The following MTUS1 variants were observed in gnomAD, a reference collection of about 807,000 sequenced individuals.
MTUS1 encodes microtubule associated scaffold protein 1.
In MTUS1, 109 loss-of-function variants were observed where a neutral mutation model predicts 120.8. The ratio of observed to expected loss-of-function variants is 0.90; its 90% CI spans 0.77 to 1.06. The LOEUF is 1.06. Among genes scored for constraint, MTUS1 ranks in the 50% least tolerant of loss-of-function variants. MTUS1 has a pLI of 0.00. For synonymous variants in MTUS1, 737 were observed against 550.5 expected (o/e 1.34, Z -4.74); for missense variants, 2,210 against 1,486.3 (o/e 1.49, Z -8.01).
chr8:17,767,701 A>AAG (rs1230365120), intron 1 of MTUS1, among the ~76,000 whole-genome samples: 1 of 83,762 alleles, frequency 1.2e-5, no homozygotes, highest in African/African-American at 3.9e-5. Context: ...CCTGTCTCTT[A>AAG]AAAAAAAAAA....
chr8:17,760,054 TTC>T lies in MTUS1; in HGVS notation c.-154-4095_-154-4094del, dbSNP rs781272818. 4.1e-4 allele frequency among the ~76,000 whole-genome samples: 53 copies of T among 129,712 alleles called. 2 individuals carry two copies. The highest frequency in any genetic ancestry group is 1.9e-3 in the South Asian group (5 of 2,578). The allele number at this position is 129,712 out of a possible 152,430, so 85.1% of individuals were successfully genotyped here. A position where few individuals can be genotyped will look rare whatever the true frequency, so the allele number is the denominator to read the frequency against. On this transcript the variant is annotated intron_variant, in intron 1 of 14. Transcript: ENST00000693296. ...CAGGACCCTACCTCTACGATTTCTT[TTC>T]TTTTTTTTTTTTTTTTTAGCACGGT...
intron 4 of MTUS1, among the ~76,000 whole-genome samples, chr8:17,719,742 T>C (rs1823040960): frequency 1.3e-5 from 2 of 152,030 alleles, no homozygotes; most frequent in African/African-American, 4.8e-5. Flanking sequence ...CACTAACCAG[T>C]GTTGGCAGGT....
chr8:17,751,883 A>G (rs200408478), intron 2 of MTUS1, among the ~76,000 whole-genome samples: 6,435 of 145,506 alleles, frequency 0.044, 247 homozygotes, highest in East Asian at 0.18. Context: ...AAAAAAAAAA[A>G]AAAGAAAGCA....
At position 17,726,030 on chromosome 8, in the gene MTUS1, C is replaced by T. The variant is rs116975999; in HGVS notation, c.2288-2197G>A. Among the ~76,000 whole-genome samples the T allele has an allele frequency of 6.7e-4, 102 of 152,276 alleles. No homozygotes were observed. In the East Asian group the frequency reaches 0.019, roughly 28 times the overall value. ...ACCCCTTCATACACACACACCCCTT[C>T]GTGGTTTCTCTCCAGTCATTTCGCT... On this transcript the variant is annotated intron_variant, in intron 3 of 14. Transcript: ENST00000693296.
chr8:17,790,756 G>A (rs2131581413), intron 1 of MTUS1, among the ~76,000 whole-genome samples: 1 of 152,328 alleles, frequency 6.6e-6, no homozygotes, highest in South Asian at 2.1e-4. Flanking sequence ...GGAGGCCAAG[G>A]CAGGTGGATC....
chr8:17,693,785 G>A (rs774674455), intron 6 of MTUS1, among the ~76,000 whole-genome samples: 3 of 152,206 alleles, frequency 2.0e-5, no homozygotes, highest in Non-Finnish European at 2.9e-5. Flanking sequence ...CTGTTAAACA[G>A]TGGGCTGTGT....
intron 6 of MTUS1, among the ~76,000 whole-genome samples, chr8:17,707,926 T>G (rs903201503): frequency 6.6e-6 from 1 of 152,176 alleles, no homozygotes; most frequent in Non-Finnish European, 1.5e-5. Flanking sequence ...AATTAGACCT[T>G]CTATCTCATA....
rs563367783 is a variant in MTUS1 at position 17,699,990 on chromosome 8, G to C, written c.2623+13224C>G. Among the ~76,000 whole-genome samples, 6 of 152,160 alleles carry C rather than the reference G, an allele frequency of 3.9e-5. No homozygotes were observed. The East Asian group carries it at 1.2e-3, about 29-fold the overall frequency. On this transcript the variant is annotated intron_variant, in intron 6 of 14. Coordinates refer to ENST00000693296, the MANE Select transcript of MTUS1 (RefSeq NM_001363059.2). ...TATTTGATCATCTGTTACCAGTTAG[G>C]AACTCCATATTTTCTGAAATTGAAC... is the stretch of plus-strand genomic sequence containing the variant.
In MTUS1 at chr8:17,646,966, A is replaced by G. The variant is rs527313767; in HGVS notation, c.3599+16T>C. The G allele has an allele frequency of 1.3e-6, 2 of 1,596,236 alleles. No individual in the cohort carries two copies. Among genetic ancestry groups the G allele is most frequent in the African/African-American group, 2.7e-5 (2 of 74,646 alleles). On this transcript the variant is annotated intron_variant, in intron 14 of 14. Coordinates refer to ENST00000693296, the MANE Select transcript of MTUS1 (RefSeq NM_001363059.2). Reference sequence around the variant, plus strand: ...GAGCGGGGAGCTCGGGAGAAACAGCACTGTTTTATTTTTACCTTGAGATTG... The same window carrying G: ...GAGCGGGGAGCTCGGGAGAAACAGCGCTGTTTTATTTTTACCTTGAGATTG...
intron 1 of MTUS1, among the ~76,000 whole-genome samples, chr8:17,777,084 G>C (rs897251213): frequency 1.3e-5 from 2 of 152,010 alleles, no homozygotes; most frequent in Non-Finnish European, 2.9e-5. Context: ...ATTAGCCCTC[G>C]TGCAGACACT....
chr8:17,746,196 C>G (rs1329719963), intron 2 of MTUS1, among the ~76,000 whole-genome samples: 3 of 152,170 alleles, frequency 2.0e-5, no homozygotes, highest in Non-Finnish European at 4.4e-5. Context: ...TCTTTCCTCA[C>G]CATGTACTCT....
chr8:17,780,998 A>C (rs1348745573), intron 1 of MTUS1: 3 of 152,224 alleles, frequency 2.0e-5, no homozygotes, highest in South Asian at 4.1e-4. Flanking sequence ...AGAATCTAGG[A>C]AACTCAATGA....
chr8:17,702,107 G>A (rs1231126565), intron 6 of MTUS1, among the ~76,000 whole-genome samples: 1 of 152,088 alleles, frequency 6.6e-6, no homozygotes, highest in Admixed American at 6.5e-5. Flanking sequence ...CAGTCAATAA[G>A]TAAATAAATT....
chr8:17,730,544 ACAG>A (rs1215530316), intron 3 of MTUS1, among the ~76,000 whole-genome samples: 2 of 151,800 alleles, frequency 1.3e-5, no homozygotes, highest in Non-Finnish European at 2.9e-5. Flanking sequence ...AACCATCTTC[ACAG>A]CAGCATTATT....
intron 1 of MTUS1, among the ~76,000 whole-genome samples, chr8:17,786,176 G>A (rs10099690): frequency 0.73 from 110,840 of 151,936 alleles, 42,002 homozygotes; most frequent in Non-Finnish European, 0.85. Flanking sequence ...CTTAGAACAC[G>A]TCAAGGAAGG....
intron 6 of MTUS1, chr8:17,704,134 A>T (rs1483397101): frequency 1.3e-5 from 2 of 152,186 alleles, no homozygotes; most frequent in East Asian, 1.9e-4. Flanking sequence ...GGGGCGACAG[A>T]CCATGGGAAT....
chr8:17,752,883 A>G (rs1480617040), intron 2 of MTUS1, among the ~76,000 whole-genome samples: 4 of 152,154 alleles, frequency 2.6e-5, no homozygotes, highest in African/African-American at 9.7e-5. Flanking sequence ...CCAACGACCA[A>G]CAGTGGCCTG....
At chr8:17,766,455 A>G (rs1434061535) in intron 1 of MTUS1, among the ~76,000 whole-genome samples, 3 of 152,232 alleles carry the variant, frequency 2.0e-5, no homozygotes, top group Admixed American at 6.5e-5. Flanking sequence ...AACCTCTCTC[A>G]GCACTTGACT....
At chr8:17,790,208 C>T (rs1020383722) in intron 1 of MTUS1, among the ~76,000 whole-genome samples, 2 of 152,010 alleles carry the variant, frequency 1.3e-5, no homozygotes, top group East Asian at 1.9e-4. Context: ...ATTAGCCAGA[C>T]ATGATGGCAC....
Sources: allele counts gnomAD v4.1 joint callset (sites outside exome capture counted in the v4.1 genomes callset), GRCh38; gene constraint gnomAD v4.1.1; transcripts MANE v1.5; gene names NCBI Gene and HGNC (gene_info 2026-07-23, HGNC 2026-07-21).